ANKRD36: variants seen among roughly 807,000 people sequenced by gnomAD.
The protein encoded by ANKRD36 is ankyrin repeat domain 36.
Under a neutral mutation model 278.1 loss-of-function variants are expected in ANKRD36, and 179 were observed. The ratio of observed to expected loss-of-function variants is 0.64; its 90% confidence interval spans 0.57 to 0.73. ANKRD36 has a LOEUF of 0.73. ANKRD36 is among the 30% of genes least tolerant of loss of function. ANKRD36 has a pLI of 0.00. For missense variants in ANKRD36, 1,159 were observed against 1,956.7 expected (o/e 0.59, Z 7.69); for synonymous variants, 320 against 641.1 (o/e 0.50, Z 7.57).
At chr2:97,144,587 A>G (rs746288613) in intron 9 of ANKRD36, 41 bp downstream of exon 9, 2 of 1,569,238 alleles carry the variant, frequency 1.3e-6, no homozygotes, top group African/African-American at 2.7e-5. Context: ...TTAACTGTAT[A>G]GTCTATGGAA....
Position 97,155,242 on chromosome 2 carries a change from T to G in ANKRD36, c.1260+501T>G, listed in dbSNP as rs1274616285. ...GTACACCTATTTTAACATCATACAG[T>G]ATTTTTGCAGAGAGCTACTTCTTTA... On this transcript the variant is annotated intron_variant, in intron 15 of 75. Coordinates refer to ENST00000420699, the MANE Select transcript of ANKRD36 (RefSeq NM_001354587.1). Among the ~76,000 whole-genome samples the G allele has an allele frequency of 1.4e-5, 2 of 143,182 alleles. 1 individual carries two copies. Among genetic ancestry groups the G allele is most frequent in the African/African-American group, 4.9e-5 (2 of 40,914 alleles). The allele number at this position is 143,182 out of a possible 152,430, so 93.9% of individuals were successfully genotyped here.
At chr2:97,125,911 A>G (rs1271063640) in intron 5 of ANKRD36, among the ~76,000 whole-genome samples, 1 of 151,444 alleles carries the variant, frequency 6.6e-6, no homozygotes, top group Non-Finnish European at 1.5e-5. Context: ...TTGCTTTGGC[A>G]GCACAAATAC....
chr2:97,147,245 T>C (rs1363328805), intron 11 of ANKRD36, among the ~76,000 whole-genome samples: 4 of 151,988 alleles, frequency 2.6e-5, no homozygotes, highest in Non-Finnish European at 5.9e-5. Flanking sequence ...CTGCCTAGTT[T>C]GCTGAAGCTT....
intron 48 of ANKRD36, among the ~76,000 whole-genome samples, chr2:97,202,764 C>CA (rs1351119607): frequency 6.6e-6 from 1 of 151,764 alleles, no homozygotes; most frequent in Admixed American, 6.6e-5. Context: ...TAAAAACAGA[C>CA]AGAAAACTTC....
chr2:97,205,995 A>G (rs1176295772), intron 51 of ANKRD36, 27 bp downstream of exon 51: 1 of 1,549,518 alleles, frequency 6.5e-7, no homozygotes, highest in Non-Finnish European at 8.7e-7. Flanking sequence ...TTATATTGTG[A>G]ACGAGTTAAT....
chr2:97,190,454 C>G (rs1240026163), intron 34 of ANKRD36, among the ~76,000 whole-genome samples: 1 of 150,996 alleles, frequency 6.6e-6, no homozygotes, highest in Non-Finnish European at 1.5e-5. Flanking sequence ...CCAAGGTGAT[C>G]AATTTAGGAC....
chr2:97,153,637 T>G (rs2046690973), intron 14 of ANKRD36, among the ~76,000 whole-genome samples: 1 of 146,706 alleles, frequency 6.8e-6, no homozygotes, highest in East Asian at 2.0e-4. Flanking sequence ...TTTACATCAT[T>G]CTGTCATTGA....
chr2:97,167,400 T>C, intron 20 of ANKRD36, among the ~76,000 whole-genome samples, 177 bp from the exon 21 acceptor site: 1 of 152,230 alleles, frequency 6.6e-6, no homozygotes, highest in Non-Finnish European at 1.5e-5. Context: ...TTTATCCTTC[T>C]GGGGTCCTAT....
At chr2:97,162,406 A>G (rs377161014) in intron 18 of ANKRD36, among the ~76,000 whole-genome samples, 2,405 of 119,240 alleles carry the variant, frequency 0.02, no homozygotes, top group African/African-American at 0.037. Context: ...AGTAAATATA[A>G]TTTAATTTAA....
Position 97,179,851 on chromosome 2 carries a change from T to A in ANKRD36, c.1663-10T>A. 1 of 1,604,094 alleles carries A rather than the reference T, an allele frequency of 6.2e-7. No individual in the cohort carries two copies. The highest frequency in any genetic ancestry group is 8.5e-7 in the Non-Finnish European group (1 of 1,178,338). ...TACATATTGATTATTTTGCTTCAAA[T>A]CCCATTCAGGCTACAAGTGACGACA... is the stretch of plus-strand genomic sequence containing the variant. On this transcript the variant is annotated splice_polypyrimidine_tract_variant and intron_variant, in intron 23 of 75. Transcript: ENST00000420699.
intron 8 of ANKRD36, among the ~76,000 whole-genome samples, chr2:97,143,389 A>G (rs1322963482): frequency 6.6e-6 from 1 of 152,118 alleles, no homozygotes; most frequent in Non-Finnish European, 1.5e-5. Flanking sequence ...ATGCATTTGG[A>G]ATATTTGCAT....
In ANKRD36 at chr2:97,217,387, T is replaced by A; in HGVS notation, c.3775+15T>A. On this transcript the variant is annotated intron_variant, in intron 64 of 75. Transcript: ENST00000420699. ...ATCTGGAACAGGTAATTTAGCAATA[T>A]ACATTTAATGTCATGTGCACTCAAG... The A allele has an allele frequency of 6.5e-7, 1 of 1,550,094 alleles. No individual in the cohort carries two copies. Among genetic ancestry groups the A allele is most frequent in the South Asian group, 1.2e-5 (1 of 83,820 alleles).
rs751831592 is a variant in ANKRD36, at chr2:97,204,131, A to C, written c.2988+35A>C. On this transcript the variant is annotated intron_variant, in intron 49 of 75. Coordinates refer to ENST00000420699, the MANE Select transcript of ANKRD36 (RefSeq NM_001354587.1). Reference sequence around the variant, plus strand: ...CTGTCGTTTATATTGTGAACTAGTAAATGTATAGTCTACGAAACATACTTT... The same window carrying C: ...CTGTCGTTTATATTGTGAACTAGTACATGTATAGTCTACGAAACATACTTT... The C allele has an allele frequency of 1.9e-6, 3 of 1,573,826 alleles. No homozygotes were observed. In the African/African-American group the frequency reaches 4.1e-5, roughly 22 times the overall value.
chr2:97,118,084 G>C lies in ANKRD36; in HGVS notation c.218G>C (p.Cys73Ser), dbSNP rs2035973990. Reference sequence around the variant, plus strand: ...CACAGGACCGCCCTACATTTGGCCTGTGCCACTGGCCAACCGGAAATGGTA... The same window carrying C: ...CACAGGACCGCCCTACATTTGGCCTCTGCCACTGGCCAACCGGAAATGGTA... The part of the protein sequence containing the change: ...RKERTALHLA[C>S]ATGQPEMVHL... The change falls in exon 2 of 76, where the codon TGT becomes TCT. Residue 73 changes from cysteine to serine, a missense_variant. By Grantham distance (112) the Cys-to-Ser change is moderately radical (BLOSUM62 -1). Coordinates refer to ENST00000420699, the MANE Select transcript of ANKRD36 (RefSeq NM_001354587.1). 1 of 1,555,486 alleles carries C rather than the reference G, an allele frequency of 6.4e-7. No individual in the cohort carries two copies. Among genetic ancestry groups the C allele is most frequent in the Non-Finnish European group, 8.7e-7 (1 of 1,148,824 alleles).
intron 24 of ANKRD36, among the ~76,000 whole-genome samples, chr2:97,181,218 T>C (rs2056109046): frequency 6.6e-6 from 1 of 151,680 alleles, no homozygotes; most frequent in African/African-American, 2.4e-5. Flanking sequence ...GTGTAAATCC[T>C]TCTGATTTCT....
chr2:97,138,123 G>A (rs1016585294), intron 6 of ANKRD36, among the ~76,000 whole-genome samples: 9 of 140,296 alleles, frequency 6.4e-5, no homozygotes, highest in African/African-American at 9.9e-5. Flanking sequence ...AGAAATAAAC[G>A]GTATTCAAAT....
chr2:97,177,286 C>A (rs1037124890), intron 22 of ANKRD36, among the ~76,000 whole-genome samples: 2 of 151,868 alleles, frequency 1.3e-5, no homozygotes, highest in Non-Finnish European at 2.9e-5. Context: ...CCATCCCCAT[C>A]AAGCTACCAA....
At chr2:97,227,253 C>G (rs1421077252) in intron 67 of ANKRD36, among the ~76,000 whole-genome samples, 1 of 152,132 alleles carries the variant, frequency 6.6e-6, no homozygotes, top group Non-Finnish European at 1.5e-5. Context: ...TCTTCCTACC[C>G]ATGAGCATGG....
intron 8 of ANKRD36, 34 bp downstream of exon 8, chr2:97,142,869 C>A: frequency 6.5e-7 from 1 of 1,538,998 alleles, no homozygotes; most frequent in Non-Finnish European, 8.7e-7. Flanking sequence ...GTCATGTTCA[C>A]TCAGGATAGA....
Sources: allele counts gnomAD v4.1 joint callset (sites outside exome capture counted in the v4.1 genomes callset), GRCh38; gene constraint gnomAD v4.1.1; transcripts MANE v1.5; gene names NCBI Gene and HGNC (gene_info 2026-07-23, HGNC 2026-07-21).